Variants in GSDMB observed in about 807,000 individuals in gnomAD.
The protein encoded by GSDMB is gasdermin-B.
In GSDMB, 32 loss-of-function variants were observed where a neutral mutation model predicts 42.9. That is an observed-to-expected ratio of 0.75 (90% confidence interval 0.56 to 1.00). GSDMB has a LOEUF of 1.00. GSDMB is among the 50% of genes least tolerant of loss of function. The pLI is 0.00. For missense variants in GSDMB, 468 were observed against 498.5 expected (o/e 0.94, Z 0.58); for synonymous variants, 175 against 193.7 (o/e 0.90, Z 0.80).
intron 3 of GSDMB, among the ~76,000 whole-genome samples, 197 bp downstream of exon 3, chr17:39,912,129 A>AAAGGGGC (rs2063621183): frequency 6.6e-6 from 1 of 151,808 alleles, no homozygotes; most frequent in South Asian, 2.1e-4. Context: ...CGTAAAGGGG[A>AAAGGGGC]GGGCTGAGGG....
chr17:39,905,010 A>T, intron 10 of GSDMB, 46 bp from the exon 11 acceptor site: 1 of 1,550,872 alleles, frequency 6.4e-7, no homozygotes, highest in Non-Finnish European at 8.9e-7. Context: ...ACAACGATAT[A>T]CCAGAAATGG....
At chr17:39,912,266 C>A in intron 3 of GSDMB, 60 bp downstream of exon 3, 1 of 1,246,314 alleles carries the variant, frequency 8.0e-7, no homozygotes. Flanking sequence ...ACCCTTGAAT[C>A]CCTTGGTGCC....
chr17:39,906,686 G>A lies in GSDMB; in HGVS notation c.727+275C>T, dbSNP rs1261235478. The A allele has an allele frequency of 5.7e-6, 6 of 1,052,132 alleles. No homozygotes were observed. In the East Asian group the frequency reaches 1.5e-4, roughly 27 times the overall value. The allele number at this position is 1,052,132 out of a possible 1,614,324, so 65.2% of individuals were successfully genotyped here. ...AGTTATTACAAATCCTGATGTCCAG[G>A]CCACACCCCCACAATTAAGTCAGAG... On this transcript the variant is annotated intron_variant, in intron 7 of 10. Transcript: ENST00000418519.
At chr17:39,908,900 C>T (rs777455944) in intron 5 of GSDMB, 58 bp downstream of exon 5, 2 of 1,084,262 alleles carry the variant, frequency 1.8e-6, no homozygotes, top group Non-Finnish European at 2.8e-6. Context: ...AATCCCACCC[C>T]CCACCTCACT....
intron 6 of GSDMB, chr17:39,907,440 C>T (rs560475463): frequency 5.6e-4 from 87 of 156,452 alleles, no homozygotes; most frequent in African/African-American, 2.0e-3. Context: ...TGGTGGCTCA[C>T]GCCTGTAATC....
intron 2 of GSDMB, among the ~76,000 whole-genome samples, chr17:39,914,884 G>T (rs1469792397): frequency 6.7e-6 from 1 of 149,494 alleles, no homozygotes; most frequent in Non-Finnish European, 1.5e-5. Flanking sequence ...CGCCAGGCTG[G>T]AGTGCAGTGG....
At chr17:39,909,451 C>T in intron 4 of GSDMB, 8 of 388,884 alleles carry the variant, frequency 2.1e-5, no homozygotes, top group East Asian at 5.1e-5. Flanking sequence ...AATCCCAGCA[C>T]TTTGGGAGGC....
In GSDMB at chr17:39,905,446, G is replaced by T. The variant is rs1426849244; in HGVS notation, c.1078C>A (p.Leu360Ile). ...CTCACCTGGTCCTTCAACAGAGGAA[G>T]GGTCCCCTTCTCCAGGGCCTCAGCC... ...FVAEALEKGT[L>I]PLLKDQVKSV... is the part of the protein sequence containing the mutation. The change falls in exon 10 of 11, where the codon CTT (leucine) becomes ATT (isoleucine). Residue 360 changes from leucine (L) to isoleucine (I), a missense_variant. Coordinates refer to ENST00000418519, the MANE Select transcript of GSDMB (RefSeq NM_001165958.2). 1.2e-6 allele frequency: 2 copies of T among 1,607,852 alleles called. No homozygotes were observed.
intron 3 of GSDMB, among the ~76,000 whole-genome samples, chr17:39,910,475 G>GGAA (rs2144691510): frequency 6.6e-6 from 1 of 152,324 alleles, no homozygotes; most frequent in South Asian, 2.1e-4. Context: ...TAAAGATACT[G>GGAA]AGGCTTAGTG....
At chr17:39,906,315 G>C in intron 7 of GSDMB, 44 bp from the exon 8 acceptor site, 1 of 1,594,946 alleles carries the variant, frequency 6.3e-7, no homozygotes, top group Non-Finnish European at 8.6e-7. Flanking sequence ...CAGCCCAAAA[G>C]GTTTTATTTC....
chr17:39,911,329 A>C (rs2063603952), intron 3 of GSDMB, among the ~76,000 whole-genome samples: 1 of 151,658 alleles, frequency 6.6e-6, no homozygotes, highest in Non-Finnish European at 1.5e-5. Context: ...ATCTCAAAAA[A>C]AAAAAAAGGA....
In GSDMB at chr17:39,904,744, C is replaced by T. The variant is rs1008660653; in HGVS notation, c.*68G>A. On this transcript the variant is annotated 3_prime_UTR_variant, in exon 11 of 11. Coordinates refer to ENST00000418519, the MANE Select transcript of GSDMB (RefSeq NM_001165958.2). Reference sequence around the variant, plus strand: ...CCCACTGGTGACAGGATGGTAGTGGCGATGGCAGTGAGGACAGACTGGTAA... The same window carrying T: ...CCCACTGGTGACAGGATGGTAGTGGTGATGGCAGTGAGGACAGACTGGTAA... 32 of 1,317,684 alleles carry T rather than the reference C, an allele frequency of 2.4e-5. No individual in the cohort carries two copies. Among genetic ancestry groups the T allele is most frequent in the Non-Finnish European group, 3.1e-5 (29 of 930,124 alleles). 81.6% of individuals were successfully genotyped at this position (1,317,684 alleles called of 1,614,324 possible).
intron 6 of GSDMB, 48 bp from the exon 7 acceptor site, chr17:39,907,035 T>C (rs770097401): frequency 1.3e-5 from 21 of 1,613,094 alleles, no homozygotes; most frequent in Non-Finnish European, 1.6e-5. Flanking sequence ...TCACCTCCAG[T>C]CCCCTGCAGA....
At position 39,912,375 on chromosome 17, in the gene GSDMB, T is replaced by C; in HGVS notation, c.358A>G (p.Ile120Val). The C allele has an allele frequency of 6.2e-7, 1 of 1,614,106 alleles. No individual in the cohort carries two copies. Among genetic ancestry groups the C allele is most frequent in the Non-Finnish European group, 8.5e-7 (1 of 1,179,970 alleles). ...FQGFHHQKIK[I>V]SENRISQQYL... ...TGCTGGGATATCCGGTTCTCCGATA[T>C]CTTGATTTTCTGATGGTGGAAGCCC... Residue 120 changes from isoleucine (I) to valine (V), a missense_variant, in exon 3 of 11, where the codon ATA (isoleucine) becomes GTA (valine). Physicochemically the swap from Ile to Val is conservative, Grantham distance 29 (BLOSUM62 3). Transcript: ENST00000418519.
chr17:39,915,254 G>A (rs140468738), intron 2 of GSDMB, among the ~76,000 whole-genome samples: 6 of 152,348 alleles, frequency 3.9e-5, no homozygotes, highest in Non-Finnish European at 7.4e-5. Context: ...TTACAGGCGC[G>A]AGCCACTGTG....
intron 4 of GSDMB, among the ~76,000 whole-genome samples, 194 bp from the exon 5 acceptor site, chr17:39,909,236 G>A (rs761157936): frequency 2.0e-5 from 3 of 152,134 alleles, no homozygotes; most frequent in Non-Finnish European, 2.9e-5. Context: ...TTGAACCCAC[G>A]TCTGATGCCA....
Position 39,918,524 on chromosome 17 carries a change from T to C in GSDMB, c.-15+10A>G, listed in dbSNP as rs2063756079. 1.3e-5 allele frequency: 2 copies of C among 152,454 alleles called. No individual in the cohort carries two copies. Among genetic ancestry groups the C allele is most frequent in the South Asian group, 4.1e-4 (2 of 4,828 alleles). The allele number at this position is 152,454 out of a possible 1,614,324, so 9.4% of individuals were successfully genotyped here. The stretch of plus-strand genomic sequence containing the variant: ...CCGGGAACCACAGGCCCATCTCAAG[T>C]GGTACCCACCTCCTCTCTGACCTCA... On this transcript the variant is annotated intron_variant, in intron 1 of 10. Transcript: ENST00000418519.
intron 3 of GSDMB, 82 bp from the exon 4 acceptor site, chr17:39,910,006 C>T (rs2063579068): frequency 3.7e-6 from 4 of 1,083,178 alleles, no homozygotes; most frequent in Non-Finnish European, 5.5e-6. Context: ...TGTGAGCCAG[C>T]TCCTATTGAA....
At position 39,908,999 on chromosome 17, in the gene GSDMB, T is replaced by C. The variant is rs781705963; in HGVS notation, c.620A>G (p.Tyr207Cys). The C allele has an allele frequency of 3.1e-6, 5 of 1,607,430 alleles. No individual in the cohort carries two copies. The highest frequency in any genetic ancestry group is 3.4e-5 in the Admixed American group (2 of 59,132). Residue 207 changes from tyrosine to cysteine, a missense_variant, in exon 5 of 11, where the codon TAT (tyrosine) becomes TGT (cysteine). Coordinates refer to ENST00000418519, the MANE Select transcript of GSDMB (RefSeq NM_001165958.2). Reference protein sequence around the residue: ...VTIPPNRVLSYRVKQLVFPNK... With the variant: ...VTIPPNRVLSCRVKQLVFPNK... ...GGGGAAGACAAGCTGCTTTACTCGA[T>C]AGCTCAGGACCCGATTTGGGGGGAT...
Sources: gnomAD v4.1 joint callset for allele counts (sites outside exome capture counted in the v4.1 genomes callset) on GRCh38, gnomAD v4.1.1 for gene constraint, MANE v1.5 for transcripts, NCBI Gene and HGNC (gene_info 2026-07-23, HGNC 2026-07-21) for gene names.